The following NDUFB6 variants were observed in gnomAD, a reference collection of about 807,000 sequenced individuals.
NDUFB6 encodes the protein NADH:ubiquinone oxidoreductase subunit B6.
In NDUFB6, 23 loss-of-function variants were observed where a neutral mutation model predicts 17.5. That is an observed-to-expected ratio of 1.31 (90% confidence interval 0.94 to 1.86). NDUFB6 has a LOEUF of 1.86. Among genes scored for constraint, NDUFB6 ranks in the 40% most tolerant of loss-of-function variants. The pLI is 0.00. For synonymous variants in NDUFB6, 60 were observed against 53.5 expected, an observed-to-expected ratio of 1.12 and a Z score of -0.53; for missense variants, 167 against 153.8, an observed-to-expected ratio of 1.09 and a Z score of -0.46.
intron 2 of NDUFB6, among the ~76,000 whole-genome samples, chr9:32,569,053 A>C (rs1821884955): frequency 6.6e-6 from 1 of 151,352 alleles, no homozygotes; most frequent in African/African-American, 2.4e-5. Flanking sequence ...CCCGCCTGCT[A>C]TCTTATATTA....
chr9:32,555,479 G>A (rs1471441230), intron 3 of NDUFB6, among the ~76,000 whole-genome samples: 1 of 152,310 alleles, frequency 6.6e-6, no homozygotes, highest in East Asian at 1.9e-4. Context: ...GATGCATAAG[G>A]ACAAAGAAAT....
At chr9:32,566,007 G>GTACTGAAATCAGA (rs1821775104) in intron 2 of NDUFB6, 1 of 309,252 alleles carries the variant, frequency 3.2e-6, no homozygotes, top group Non-Finnish European at 6.1e-6. Context: ...ATTCAGAAAT[G>GTACTGAAATCAGA]TACTGAAATC....
At chr9:32,566,515 C>A in intron 2 of NDUFB6, 1 of 771,782 alleles carries the variant, frequency 1.3e-6, no homozygotes, top group Middle Eastern at 2.3e-4. Flanking sequence ...TGTGCAGAGA[C>A]GGCTGCCACC....
intron 2 of NDUFB6, chr9:32,566,188 G>A (rs1821783610): frequency 2.7e-6 from 2 of 750,574 alleles, no homozygotes; most frequent in East Asian, 4.9e-5. Context: ...CTTCAACCTT[G>A]TCTGGGGTTT....
At chr9:32,562,429 G>T (rs773823213) in intron 2 of NDUFB6, among the ~76,000 whole-genome samples, 1 of 152,132 alleles carries the variant, frequency 6.6e-6, no homozygotes, top group East Asian at 1.9e-4. Context: ...TTATGTTGGG[G>T]GCAGGGGTGT....
chr9:32,561,044 G>A (rs770026029), intron 2 of NDUFB6, among the ~76,000 whole-genome samples: 11 of 152,146 alleles, frequency 7.2e-5, no homozygotes, highest in Non-Finnish European at 1.2e-4. Flanking sequence ...CATAACAGAT[G>A]TATAATGAAA....
intron 2 of NDUFB6, among the ~76,000 whole-genome samples, 165 bp from the exon 3 acceptor site, chr9:32,559,119 G>C (rs908877906): frequency 6.6e-6 from 1 of 152,040 alleles, no homozygotes; most frequent in Non-Finnish European, 1.5e-5. Context: ...TATCAAACAG[G>C]CATCTCAAAC....
At chr9:32,566,751 T>G (rs182091184) in intron 2 of NDUFB6, 11,500 of 917,906 alleles carry the variant, frequency 0.013, 113 homozygotes, top group Non-Finnish European at 0.016. Context: ...CAGCGGGTCC[T>G]CAGCCCGGGT....
At position 32,572,883 on chromosome 9, in the gene NDUFB6, T is replaced by C. The variant is rs772883565; in HGVS notation, c.178A>G (p.Met60Val). 2.5e-6 allele frequency: 4 copies of C among 1,576,986 alleles called. No individual in the cohort carries two copies. Among genetic ancestry groups the C allele is most frequent in the Admixed American group, 1.8e-5 (1 of 56,382 alleles). The change falls in exon 1 of 4, where the codon ATG becomes GTG. Residue 60 changes from methionine (M) to valine (V), a missense_variant and splice_region_variant. Met to Val is a conservative substitution (Grantham distance 21). Coordinates refer to ENST00000379847, the MANE Select transcript of NDUFB6 (RefSeq NM_002493.5). ...GACCGGAGAGGTCTGTCACTCACCA[T>C]TTTCCTCCAAGGGGATTTATTCTCC... is the stretch of plus-strand genomic sequence containing the variant. The part of the protein sequence containing the change: ...FLENKSPWRK[M>V]VHGVYKKSIF...
At chr9:32,569,061 T>C (rs1821885174) in intron 2 of NDUFB6, among the ~76,000 whole-genome samples, 1 of 151,764 alleles carries the variant, frequency 6.6e-6, no homozygotes, top group African/African-American at 2.4e-5. Flanking sequence ...CTATCTTATA[T>C]TAAGAAATTG....
chr9:32,557,164 T>C (rs1290758608), intron 3 of NDUFB6, among the ~76,000 whole-genome samples: 16 of 28,428 alleles, frequency 5.6e-4, no homozygotes, highest in East Asian at 5.3e-3. Context: ...GGCCCCCACT[T>C]TTTTTTTTTT....
At chr9:32,567,793 T>G in intron 2 of NDUFB6, 1 of 283,862 alleles carries the variant, frequency 3.5e-6, no homozygotes, top group Non-Finnish European at 7.3e-6. Flanking sequence ...AACTGGCCAT[T>G]CCCCACCTCT....
intron 3 of NDUFB6, among the ~76,000 whole-genome samples, chr9:32,556,473 CCT>C (rs1312081823): frequency 2.6e-5 from 4 of 152,186 alleles, no homozygotes; most frequent in Admixed American, 2.0e-4. Flanking sequence ...AAGAAATAAA[CCT>C]CTGTTTTGTT....
intron 3 of NDUFB6, among the ~76,000 whole-genome samples, chr9:32,558,026 C>T (rs1187821185): frequency 6.6e-6 from 1 of 152,160 alleles, no homozygotes; most frequent in Admixed American, 6.5e-5. Context: ...TCACAAACAG[C>T]TAGTAAATAC....
intron 2 of NDUFB6, among the ~76,000 whole-genome samples, chr9:32,569,698 T>TG (rs1214284017): frequency 6.8e-6 from 1 of 147,986 alleles, no homozygotes. Context: ...TCTTTTTTTT[T>TG]GGAAACATGG....
intron 2 of NDUFB6, among the ~76,000 whole-genome samples, chr9:32,569,148 T>C (rs537270607): frequency 1.3e-5 from 2 of 152,288 alleles, no homozygotes; most frequent in Admixed American, 6.5e-5. Flanking sequence ...GACCTTCCAT[T>C]AGCAAAAAGA....
chr9:32,563,452 C>T (rs1366202360), intron 2 of NDUFB6, among the ~76,000 whole-genome samples: 3 of 150,144 alleles, frequency 2.0e-5, no homozygotes, highest in Admixed American at 2.0e-4. Context: ...CTCAAGCGAT[C>T]CTCCTGCTTC....
Position 32,553,925 on chromosome 9 carries a change from G to A in NDUFB6, c.338C>T (p.Thr113Ile). 1.9e-6 allele frequency: 3 copies of A among 1,596,980 alleles called. No homozygotes were observed. Among genetic ancestry groups the A allele is most frequent in the Non-Finnish European group, 2.6e-6 (3 of 1,165,892 alleles). ...TTTCATTGGTGGAATTACTTCTCCA[G>A]TCTCCAGAATTGTATCACCCTAGGA... is the stretch of plus-strand genomic sequence containing the variant. ...RIFPGDTILETGEVIPPMKEF... is the reference protein window; with the variant it reads ...RIFPGDTILEIGEVIPPMKEF... The change falls in exon 4 of 4, where the codon ACT becomes ATT. Residue 113 changes from threonine (T) to isoleucine (I), a missense_variant. Thr to Ile is a moderately conservative substitution (Grantham distance 89). Coordinates refer to ENST00000379847, the MANE Select transcript of NDUFB6 (RefSeq NM_002493.5).
intron 3 of NDUFB6, among the ~76,000 whole-genome samples, chr9:32,556,544 G>C (rs1821460202): frequency 6.6e-6 from 1 of 152,182 alleles, no homozygotes; most frequent in Non-Finnish European, 1.5e-5. Context: ...TATATACAAT[G>C]AGCATTCTTC....
Sources: gnomAD v4.1 joint callset for allele counts (sites outside exome capture counted in the v4.1 genomes callset) on GRCh38, gnomAD v4.1.1 for gene constraint, MANE v1.5 for transcripts, NCBI Gene and HGNC (gene_info 2026-07-23, HGNC 2026-07-21) for gene names.